Variants in NBAS observed in about 807,000 individuals in gnomAD.
The protein encoded by NBAS is NBAS subunit of NRZ tethering complex.
Under a neutral mutation model 302.5 loss-of-function variants are expected in NBAS, and 219 were observed. That is an observed-to-expected ratio of 0.72 (90% CI 0.65 to 0.81). NBAS has a LOEUF of 0.81. Among genes scored for constraint, NBAS ranks in the 30% least tolerant of loss-of-function variants. The pLI, the probability that NBAS is intolerant of heterozygous loss-of-function variation, is 0.00. For missense variants in NBAS, 2,932 were observed against 2,841.6 expected (o/e 1.03, Z -0.72); for synonymous variants, 1,118 against 1,021.6 (o/e 1.09, Z -1.80).
At chr2:15,541,492 T>G (rs1317488135) in intron 6 of NBAS, among the ~76,000 whole-genome samples, 1 of 152,148 alleles carries the variant, frequency 6.6e-6, no homozygotes. Flanking sequence ...TAATACATAT[T>G]CTAGGGAATA....
At chr2:15,164,101 A>G (rs1184678856), downstream of NBAS, among the ~76,000 whole-genome samples, 1 of 152,212 alleles carries the variant, frequency 6.6e-6, no homozygotes, top group African/African-American at 2.4e-5. Flanking sequence ...CCGGCCCGGT[A>G]CTAAAACTCT....
At chr2:15,074,285 A>G in the NBAS span, among the ~76,000 whole-genome samples, 285 of 152,214 alleles carry the variant, frequency 1.9e-3, no homozygotes, top group African/African-American at 6.5e-3. Flanking sequence ...TTATTCCTGT[A>G]TAAAAATTAA....
chr2:15,369,836 C>T (rs1184746452), intron 31 of NBAS, among the ~76,000 whole-genome samples: 1 of 152,186 alleles, frequency 6.6e-6, no homozygotes. Flanking sequence ...CACACATACA[C>T]GTGCATGCAC....
the NBAS span, among the ~76,000 whole-genome samples, chr2:14,838,839 T>C: frequency 1.3e-5 from 2 of 151,858 alleles, no homozygotes; most frequent in East Asian, 3.9e-4. Flanking sequence ...CAAATATGAT[T>C]TTGAAAAAAA....
chr2:15,398,858 G>C (rs928140872), intron 26 of NBAS, among the ~76,000 whole-genome samples: 5 of 152,108 alleles, frequency 3.3e-5, no homozygotes, highest in African/African-American at 1.2e-4. Context: ...GAAATAAATG[G>C]AGTAACAAGA....
At chr2:15,527,811 T>C (rs532542975) in intron 9 of NBAS, among the ~76,000 whole-genome samples, 2 of 152,306 alleles carry the variant, frequency 1.3e-5, no homozygotes, top group Non-Finnish European at 2.9e-5. Context: ...AAAAACAGTA[T>C]AGCAGTAACA....
intron 12 of NBAS, among the ~76,000 whole-genome samples, chr2:15,482,194 G>A (rs1161100502): frequency 6.6e-6 from 1 of 152,142 alleles, no homozygotes; most frequent in Non-Finnish European, 1.5e-5. Flanking sequence ...GCAGTGGCGT[G>A]GTCACGGCTC....
At chr2:15,088,287 A>G in the NBAS span, among the ~76,000 whole-genome samples, 7 of 152,244 alleles carry the variant, frequency 4.6e-5, no homozygotes, top group African/African-American at 2.4e-5. Flanking sequence ...TTACAAGGAC[A>G]GAGCATTCTC....
chr2:14,806,699 A>C, the NBAS span, among the ~76,000 whole-genome samples: 1 of 152,186 alleles, frequency 6.6e-6, no homozygotes, highest in Non-Finnish European at 1.5e-5. Context: ...AATCTAAATC[A>C]TTGTCCTGAT....
the NBAS span, among the ~76,000 whole-genome samples, chr2:14,847,671 C>A: frequency 6.6e-6 from 1 of 152,060 alleles, no homozygotes; most frequent in African/African-American, 2.4e-5. Context: ...GATAGATAGA[C>A]TCCAATATTA....
chr2:15,468,460 T>C lies in NBAS; in HGVS notation c.1799A>G (p.Lys600Arg). The C allele has an allele frequency of 6.2e-7, 1 of 1,614,098 alleles. No individual in the cohort carries two copies. Among genetic ancestry groups the C allele is most frequent in the Non-Finnish European group, 8.5e-7 (1 of 1,179,978 alleles). The change falls in exon 17 of 52, where the codon AAA becomes AGA. Residue 600 changes from lysine to arginine, a missense_variant. Lys to Arg is a conservative substitution (Grantham distance 26). Coordinates refer to ENST00000281513, the MANE Select transcript of NBAS (RefSeq NM_015909.4). ...ERVPENVDAA[K>R]ELLQYGLKGT... ...TTTTAATCCATACTGAAGCAGTTCTTTTGCAGCATCCACATTTTCAGGAAC... is the reference window on the plus strand; with the variant it reads ...TTTTAATCCATACTGAAGCAGTTCTCTTGCAGCATCCACATTTTCAGGAAC...
At chr2:15,483,911 A>G (rs1680524540) in intron 12 of NBAS, among the ~76,000 whole-genome samples, 1 of 152,184 alleles carries the variant, frequency 6.6e-6, no homozygotes, top group Non-Finnish European at 1.5e-5. Flanking sequence ...AAATATCACC[A>G]TATCATCGAT....
intron 25 of NBAS, among the ~76,000 whole-genome samples, chr2:15,404,512 ATT>A (rs996825365): frequency 7.0e-6 from 1 of 142,806 alleles, no homozygotes. Flanking sequence ...TTTTTTTTTA[ATT>A]TTTTTTTTTT....
the NBAS span, among the ~76,000 whole-genome samples, chr2:14,850,928 C>G: frequency 7.2e-6 from 1 of 138,280 alleles, no homozygotes; most frequent in East Asian, 2.0e-4. Flanking sequence ...ACATTCAAAG[C>G]AGTGTGTAGG....
At chr2:15,235,089 A>C (rs1460904691) in intron 45 of NBAS, among the ~76,000 whole-genome samples, 1 of 152,224 alleles carries the variant, frequency 6.6e-6, no homozygotes, top group Admixed American at 6.5e-5. Context: ...TTCGGGAATA[A>C]AGTAATGCTC....
At chr2:14,987,509 A>AG in the NBAS span, among the ~76,000 whole-genome samples, 8 of 151,946 alleles carry the variant, frequency 5.3e-5, no homozygotes, top group Non-Finnish European at 1.0e-4. Context: ...CACAGACTAT[A>AG]GGGTTGGAAG....
chr2:15,206,426 GA>G (rs549876772), intron 48 of NBAS, among the ~76,000 whole-genome samples: 29 of 144,632 alleles, frequency 2.0e-4, no homozygotes, highest in Middle Eastern at 3.5e-3. Flanking sequence ...CCATGTGGTA[GA>G]AAAAAAAAAA....
At chr2:15,254,477 A>C (rs1668497318) in intron 44 of NBAS, among the ~76,000 whole-genome samples, 1 of 152,194 alleles carries the variant, frequency 6.6e-6, no homozygotes, top group Non-Finnish European at 1.5e-5. Context: ...TTACACAGTG[A>C]CTGGATAACA....
the NBAS span, among the ~76,000 whole-genome samples, chr2:14,967,463 A>C: frequency 6.6e-6 from 1 of 152,224 alleles, no homozygotes; most frequent in African/African-American, 2.4e-5. Flanking sequence ...AGAAAACAGC[A>C]TAGAAAAGTT....
Sources: gnomAD v4.1 joint callset for allele counts (sites outside exome capture counted in the v4.1 genomes callset) on GRCh38, gnomAD v4.1.1 for gene constraint, MANE v1.5 for transcripts, NCBI Gene and HGNC (gene_info 2026-07-23, HGNC 2026-07-21) for gene names.